LRIG1: variants seen among roughly 807,000 people sequenced by gnomAD.
LRIG1 encodes the protein leucine rich repeats and immunoglobulin like domains 1.
In LRIG1, 48 loss-of-function variants were observed where a neutral mutation model predicts 99.2. That is an observed-to-expected ratio of 0.48 (90% CI 0.38 to 0.62). The LOEUF is 0.62. LRIG1 is among the 20% of genes least tolerant of loss of function. LRIG1 has a pLI of 0.00. For missense variants in LRIG1, 1,646 were observed against 1,434.4 expected (o/e 1.15, Z -2.38); for synonymous variants, 772 against 596.1 (o/e 1.29, Z -4.30).
chr3:66,418,604 T>C (rs1201947385), intron 3 of LRIG1, among the ~76,000 whole-genome samples: 1 of 152,148 alleles, frequency 6.6e-6, no homozygotes. Flanking sequence ...GGCCTCTAGG[T>C]TGCAGGCACT....
intron 1 of LRIG1, among the ~76,000 whole-genome samples, chr3:66,472,649 C>G (rs1287375660): frequency 3.3e-5 from 5 of 152,148 alleles, no homozygotes; most frequent in Non-Finnish European, 5.9e-5. Context: ...CCTGCCTTTC[C>G]GGCAGAAGGT....
intron 1 of LRIG1, among the ~76,000 whole-genome samples, chr3:66,487,698 G>C (rs763330389): frequency 6.6e-6 from 1 of 152,130 alleles, no homozygotes; most frequent in Non-Finnish European, 1.5e-5. Flanking sequence ...TCACCAGAAC[G>C]AGACCAAGTG....
chr3:66,417,102 C>G (rs759130824), intron 4 of LRIG1, 27 bp downstream of exon 4: 1 of 1,609,728 alleles, frequency 6.2e-7, no homozygotes, highest in East Asian at 2.2e-5. Context: ...GCGGGCCAGC[C>G]ACAGGTGGCA....
At chr3:66,448,886 G>C (rs986763243) in intron 3 of LRIG1, among the ~76,000 whole-genome samples, 1 of 152,030 alleles carries the variant, frequency 6.6e-6, no homozygotes, top group Non-Finnish European at 1.5e-5. Flanking sequence ...CTTCTCCCTG[G>C]GACAGCCTCT....
chr3:66,472,667 C>T (rs985294530), intron 1 of LRIG1, among the ~76,000 whole-genome samples: 2 of 152,188 alleles, frequency 1.3e-5, no homozygotes, highest in Admixed American at 6.5e-5. Flanking sequence ...GGTACAACCA[C>T]GGATTTCACT....
At chr3:66,417,393 C>T in intron 3 of LRIG1, 127 bp from the exon 4 acceptor site, 1 of 966,742 alleles carries the variant, frequency 1.0e-6, no homozygotes, top group Non-Finnish European at 1.5e-6. Flanking sequence ...AAAATGAGAT[C>T]TCCTGTTTCT....
At chr3:66,421,069 G>GA (rs1340080245) in intron 3 of LRIG1, among the ~76,000 whole-genome samples, 1 of 152,132 alleles carries the variant, frequency 6.6e-6, no homozygotes, top group Non-Finnish European at 1.5e-5. Context: ...AACAGCATAG[G>GA]AAAAACCTGC....
At chr3:66,396,276 C>T (rs1395529078) in intron 11 of LRIG1, among the ~76,000 whole-genome samples, 62 of 152,308 alleles carry the variant, frequency 4.1e-4, no homozygotes, top group East Asian at 1.9e-4. Context: ...AGGATTCCAA[C>T]CCCTAGGCTC....
intron 3 of LRIG1, among the ~76,000 whole-genome samples, chr3:66,428,835 G>A (rs1288508518): frequency 6.6e-6 from 1 of 152,256 alleles, no homozygotes; most frequent in Non-Finnish European, 1.5e-5. Context: ...GACAGGAAAT[G>A]AGAATCAGAA....
chr3:66,437,928 G>A (rs1274865937), intron 3 of LRIG1, among the ~76,000 whole-genome samples: 2 of 152,220 alleles, frequency 1.3e-5, no homozygotes, highest in African/African-American at 4.8e-5. Context: ...ACAATTTAGA[G>A]GTGGGAGAAC....
Position 66,380,758 on chromosome 3 carries a change from C to T in LRIG1, c.2874G>A (p.Gln958=). ...HPQPVSRDSA[Q]PSAPNGPEPG... is the part of the protein sequence containing the mutation. Reference sequence around the variant, plus strand: ...GCTCCGGGCCATTTGGCGCACTTGGCTGTGCGCTGTCTCTGGACACAGGCT... The same window carrying T: ...GCTCCGGGCCATTTGGCGCACTTGGTTGTGCGCTGTCTCTGGACACAGGCT... Residue 958 remains glutamine (Q), a synonymous_variant, in exon 18 of 19, where the codon CAG becomes CAA. Transcript: ENST00000273261. The T allele has an allele frequency of 1.2e-6, 2 of 1,614,234 alleles. No homozygotes were observed.
intron 12 of LRIG1, among the ~76,000 whole-genome samples, chr3:66,392,206 C>G (rs773463732): frequency 2.6e-5 from 4 of 152,210 alleles, no homozygotes; most frequent in Non-Finnish European, 5.9e-5. Context: ...CCACTGATAC[C>G]TGGGTTGTGC....
Position 66,381,626 on chromosome 3 carries a change from A to C in LRIG1, c.2623T>G (p.Cys875Gly). ...ANGHIESNGV[C>G]PRDASHFPEP... ...GGAAAGTGGCTTGCATCTCTTGGAC[A>C]CACACCTGCAAGTGGATTCCAACAC... Residue 875 changes from cysteine (C) to glycine (G), a missense_variant, in exon 17 of 19, where the codon TGT (cysteine) becomes GGT (glycine). Physicochemically the swap from Cys to Gly is radical, Grantham distance 159 (BLOSUM62 -3). Transcript: ENST00000273261. 6.2e-7 allele frequency: 1 copy of C among 1,613,124 alleles called. No individual in the cohort carries two copies. Among genetic ancestry groups the C allele is most frequent in the Non-Finnish European group, 8.5e-7 (1 of 1,179,182 alleles).
intron 1 of LRIG1, among the ~76,000 whole-genome samples, chr3:66,488,217 T>C (rs986886041): frequency 2.0e-5 from 3 of 152,126 alleles, no homozygotes; most frequent in Admixed American, 6.5e-5. Context: ...ATTACTGTCA[T>C]AATTTTCAAG....
Position 66,395,708 on chromosome 3 carries a change from G to A in LRIG1, c.1305-1505C>T, listed in dbSNP as rs558312173. ...CTGCAGGTGGCGGAAGGGCTGTAAC[G>A]GCCATCCCTGAGGAAATGGTCAATT... On this transcript the variant is annotated intron_variant, in intron 11 of 18. Transcript: ENST00000273261. 3.3e-5 allele frequency among the ~76,000 whole-genome samples: 5 copies of A among 152,292 alleles called. No individual in the cohort carries two copies. The East Asian group carries it at 7.7e-4, about 24-fold the overall frequency.
In LRIG1 at chr3:66,390,134, G is replaced by A. The variant is rs543882632; in HGVS notation, c.1469-3833C>T. Among the ~76,000 whole-genome samples the A allele has an allele frequency of 7.9e-5, 12 of 152,174 alleles. 1 individual carries two copies. In the South Asian group the frequency reaches 2.3e-3, roughly 29 times the overall value. On this transcript the variant is annotated intron_variant, in intron 12 of 18. Coordinates refer to ENST00000273261, the MANE Select transcript of LRIG1 (RefSeq NM_015541.3). ...CTTCTAGCCAGTGCAACAGGCTAGAGAAAGAAATGAAAGCCACCCAGACTG... is the reference window on the plus strand; with the variant it reads ...CTTCTAGCCAGTGCAACAGGCTAGAAAAAGAAATGAAAGCCACCCAGACTG...
In LRIG1 at chr3:66,436,766, C is replaced by T. The variant is rs62245370; in HGVS notation, c.365+14793G>A. ...GCAGCACTCTCTACTGCCAGGGGAA[C>T]GTGAGGAGTGGATTTTATCATTCTC... On this transcript the variant is annotated intron_variant, in intron 3 of 18. Transcript: ENST00000273261. 4.6e-3 allele frequency among the ~76,000 whole-genome samples: 701 copies of T among 152,232 alleles called. 1 individual carries two copies. Among genetic ancestry groups the T allele is most frequent in the Admixed American group, 7.8e-3 (119 of 15,292 alleles).
At chr3:66,407,593 T>C in intron 7 of LRIG1, 102 bp from the exon 8 acceptor site, 1 of 1,349,394 alleles carries the variant, frequency 7.4e-7, no homozygotes, top group Non-Finnish European at 1.0e-6. Flanking sequence ...CAGTGGGAAA[T>C]GACACAGATG....
intron 3 of LRIG1, among the ~76,000 whole-genome samples, chr3:66,440,542 C>G (rs1703506874): frequency 6.6e-6 from 1 of 152,146 alleles, no homozygotes; most frequent in South Asian, 2.1e-4. Context: ...CAAGTAAGAT[C>G]CATTTTTATG....
Sources: gnomAD v4.1 joint callset for allele counts (sites outside exome capture counted in the v4.1 genomes callset) on GRCh38, gnomAD v4.1.1 for gene constraint, MANE v1.5 for transcripts, NCBI Gene and HGNC (gene_info 2026-07-23, HGNC 2026-07-21) for gene names.